The following KIAA0232 variants were observed in gnomAD, a reference collection of about 807,000 sequenced individuals.
KIAA0232 encodes the protein uncharacterized protein KIAA0232.
A neutral mutation model predicts 122.0 loss-of-function variants in KIAA0232; 27 were observed. The ratio of observed to expected loss-of-function variants is 0.22; its 90% CI spans 0.16 to 0.31. KIAA0232 has a LOEUF of 0.31. Among genes scored for constraint, KIAA0232 ranks in the 10% least tolerant of loss-of-function variants. KIAA0232 has a pLI of 1.00. For synonymous variants in KIAA0232, 613 were observed against 587.6 expected (o/e 1.04, Z -0.63); for missense variants, 1,551 against 1,634.2 (o/e 0.95, Z 0.88).
chr4:6,840,875 T>C (rs1224741344), intron 3 of KIAA0232, among the ~76,000 whole-genome samples: 1 of 152,162 alleles, frequency 6.6e-6, no homozygotes, highest in African/African-American at 2.4e-5. Context: ...ATAAGTGAGA[T>C]AGAAATATCT....
intron 2 of KIAA0232, among the ~76,000 whole-genome samples, chr4:6,816,020 A>G (rs1246038430): frequency 6.6e-6 from 1 of 152,222 alleles, no homozygotes; most frequent in African/African-American, 2.4e-5. Flanking sequence ...TAAACATAAT[A>G]AAACTAAAAC....
At chr4:6,871,267 T>C (rs1248394923) in intron 7 of KIAA0232, among the ~76,000 whole-genome samples, 1 of 152,108 alleles carries the variant, frequency 6.6e-6, no homozygotes, top group African/African-American at 2.4e-5. Context: ...ACCCCATTTC[T>C]ACAAAAAGCA....
chr4:6,846,226 T>G (rs773060863), intron 4 of KIAA0232, among the ~76,000 whole-genome samples: 1 of 152,102 alleles, frequency 6.6e-6, no homozygotes, highest in Non-Finnish European at 1.5e-5. Flanking sequence ...ACTTATGGAA[T>G]GAATGAGGAG....
chr4:6,815,066 T>C (rs1322030622), intron 2 of KIAA0232, among the ~76,000 whole-genome samples: 2 of 152,014 alleles, frequency 1.3e-5, no homozygotes, highest in Admixed American at 6.6e-5. Context: ...ACACTTGATA[T>C]ATAGTGGTGC....
At position 6,882,553 on chromosome 4, in the gene KIAA0232, C is replaced by T. The variant is rs966085768; in HGVS notation, c.*1587C>T. The T allele has an allele frequency of 1.3e-5, 2 of 151,588 alleles. No individual in the cohort carries two copies. The highest frequency in any genetic ancestry group is 2.4e-5 in the African/African-American group (1 of 41,226). The allele number at this position is 151,588 out of a possible 1,614,324, so 9.4% of individuals were successfully genotyped here. On this transcript the variant is annotated 3_prime_UTR_variant, in exon 10 of 10. Transcript: ENST00000307659. The stretch of plus-strand genomic sequence containing the variant: ...CTCACCGAGAGGGACCTGGTGTGCC[C>T]GCCGGGTCGATCTTCCCACGTGTTA...
At chr4:6,846,354 A>G (rs1355944622) in intron 4 of KIAA0232, among the ~76,000 whole-genome samples, 2 of 152,162 alleles carry the variant, frequency 1.3e-5, no homozygotes, top group Non-Finnish European at 2.9e-5. Flanking sequence ...TTGGCCTGTT[A>G]GGAGCTGGGC....
chr4:6,850,220 A>T (rs954151129), intron 4 of KIAA0232, among the ~76,000 whole-genome samples: 1 of 152,190 alleles, frequency 6.6e-6, no homozygotes, highest in African/African-American at 2.4e-5. Context: ...AGAAAGGGCC[A>T]AATGATGGCC....
In KIAA0232 at chr4:6,858,442, A is replaced by G. The variant is rs1720675664; in HGVS notation, c.454A>G (p.Lys152Glu). The G allele has an allele frequency of 6.2e-7, 1 of 1,602,394 alleles. No individual in the cohort carries two copies. The highest frequency in any genetic ancestry group is 8.5e-7 in the Non-Finnish European group (1 of 1,175,022). Residue 152 changes from lysine (K) to glutamate (E), a missense_variant, in exon 6 of 10, where the codon AAG becomes GAG. By Grantham distance (56) the Lys-to-Glu change is moderately conservative (BLOSUM62 1). Coordinates refer to ENST00000307659, the MANE Select transcript of KIAA0232 (RefSeq NM_014743.3). ...QSKQEEKIHK[K>E]LEGSPSPEAE... ...CATAACAGAAGAGAAGATTCACAAA[A>G]AGTTAGAGGGGTCTCCCTCTCCAGA...
chr4:6,793,404 T>G (rs1462314983), intron 1 of KIAA0232, among the ~76,000 whole-genome samples: 1 of 152,222 alleles, frequency 6.6e-6, no homozygotes, highest in South Asian at 2.1e-4. Flanking sequence ...AAGTTGGTAC[T>G]GAACTGTAGT....
chr4:6,856,151 TATA>T (rs1328386734), intron 4 of KIAA0232, among the ~76,000 whole-genome samples: 1 of 152,218 alleles, frequency 6.6e-6, no homozygotes, highest in East Asian at 1.9e-4. Context: ...GTAGGATATC[TATA>T]ATATTTGTGC....
chr4:6,833,235 TTTAA>T (rs776234164), intron 3 of KIAA0232, among the ~76,000 whole-genome samples: 1 of 152,230 alleles, frequency 6.6e-6, no homozygotes, highest in Non-Finnish European at 1.5e-5. Context: ...TTCAACAGAC[TTTAA>T]TTAAATAACC....
At chr4:6,792,123 A>G (rs558570735) in intron 1 of KIAA0232, among the ~76,000 whole-genome samples, 3 of 152,298 alleles carry the variant, frequency 2.0e-5, no homozygotes, top group Non-Finnish European at 4.4e-5. Flanking sequence ...TTCCTTTCTA[A>G]ATTACCCAGT....
chr4:6,791,730 G>T (rs536227179), intron 1 of KIAA0232, among the ~76,000 whole-genome samples: 81 of 152,220 alleles, frequency 5.3e-4, no homozygotes, highest in African/African-American at 1.9e-3. Flanking sequence ...TTTAAAAAAT[G>T]GAATCATGGT....
intron 1 of KIAA0232, among the ~76,000 whole-genome samples, chr4:6,783,449 G>A (rs1164757005): frequency 6.6e-6 from 1 of 152,226 alleles, no homozygotes; most frequent in Non-Finnish European, 1.5e-5. Flanking sequence ...AGGACGTAGA[G>A]CCCCGAAAGT....
In KIAA0232 at chr4:6,876,762, G is replaced by A; in HGVS notation, c.4008+5G>A. 6.3e-7 allele frequency: 1 copy of A among 1,580,364 alleles called. No homozygotes were observed. Among genetic ancestry groups the A allele is most frequent in the Middle Eastern group, 1.7e-4 (1 of 6,000 alleles). On this transcript the variant is annotated splice_donor_5th_base_variant and intron_variant, in intron 9 of 9. Transcript: ENST00000307659. ...CGCCTGTTAGATTTTAATAGGGTAA[G>A]TGGACTGTCCTCCTCCTCGTCATTA...
At chr4:6,876,118 A>G (rs1253977761) in intron 8 of KIAA0232, among the ~76,000 whole-genome samples, 2 of 152,066 alleles carry the variant, frequency 1.3e-5, no homozygotes, top group Non-Finnish European at 2.9e-5. Flanking sequence ...CGCTAGCACC[A>G]TTTCTTTTTC....
At chr4:6,847,780 T>C (rs1720044313) in intron 4 of KIAA0232, among the ~76,000 whole-genome samples, 1 of 152,128 alleles carries the variant, frequency 6.6e-6, no homozygotes, top group African/African-American at 2.4e-5. Flanking sequence ...TCCTAAGCTG[T>C]CTGTTTCATT....
At chr4:6,826,793 C>G (rs1718708576) in intron 3 of KIAA0232, among the ~76,000 whole-genome samples, 1 of 152,166 alleles carries the variant, frequency 6.6e-6, no homozygotes, top group Non-Finnish European at 1.5e-5. Flanking sequence ...AATATTTAAT[C>G]AACACCAATA....
chr4:6,784,453 G>A (rs556704197), intron 1 of KIAA0232, among the ~76,000 whole-genome samples: 25 of 152,034 alleles, frequency 1.6e-4, no homozygotes, highest in African/African-American at 5.8e-4. Context: ...GAGGAGGAGC[G>A]GATTCTATCA....
Sources: gnomAD v4.1 joint callset for allele counts (sites outside exome capture counted in the v4.1 genomes callset) on GRCh38, gnomAD v4.1.1 for gene constraint, MANE v1.5 for transcripts, NCBI Gene and HGNC (gene_info 2026-07-23, HGNC 2026-07-21) for gene names.